The following RFFL variants were observed in gnomAD, a reference collection of about 807,000 sequenced individuals.
RFFL encodes the protein E3 ubiquitin-protein ligase rififylin.
A neutral mutation model predicts 40.4 loss-of-function variants in RFFL; 16 were observed. The observed-to-expected ratio is 0.40, with a 90% CI of 0.27 to 0.60. The LOEUF is 0.60. Ranked by LOEUF, RFFL falls within the 20% of genes least tolerant of loss-of-function variation. The probability of loss-of-function intolerance (pLI) is 0.47; values close to 1 mark genes in which losing one functional copy is unlikely to be tolerated. For synonymous variants in RFFL, 154 were observed against 167.9 expected (o/e 0.92, Z 0.64); for missense variants, 367 against 451.7 (o/e 0.81, Z 1.70).
chr17:35,033,907 C>A (rs1300942786), intron 1 of RFFL, among the ~76,000 whole-genome samples: 1 of 151,820 alleles, frequency 6.6e-6, no homozygotes, highest in Non-Finnish European at 1.5e-5. Context: ...CTCTGGGAGG[C>A]CGAGGTGGGC....
intron 1 of RFFL, among the ~76,000 whole-genome samples, chr17:35,032,488 A>C (rs9891369): frequency 0.025 from 3,864 of 152,152 alleles, 210 homozygotes; most frequent in African/African-American, 0.088. Flanking sequence ...AGGGTCTCTG[A>C]ATTACACAAC....
At chr17:35,083,780 C>CAAA (rs1386219932) in intron 1 of RFFL, among the ~76,000 whole-genome samples, 1 of 76,898 alleles carries the variant, frequency 1.3e-5, no homozygotes, top group Non-Finnish European at 2.7e-5. Flanking sequence ...GACTCTGTCT[C>CAAA]AAAAAAAAAA....
rs1407715065 is a variant in RFFL, at chr17:35,010,734, AGAGT to A, written c.*1230_*1233del. ...ACCACTGCACTCCAGCCTGGGCAAC[AGAGT>A]GAGACTCAAAAAAAAAAAAAAAATG... On this transcript the variant is annotated 3_prime_UTR_variant, in exon 7 of 7. Coordinates refer to ENST00000394597, the MANE Select transcript of RFFL (RefSeq NM_001017368.2). 2.2e-5 allele frequency: 3 copies of A among 136,260 alleles called. No individual in the cohort carries two copies. Among genetic ancestry groups the A allele is most frequent in the Admixed American group, 7.3e-5 (1 of 13,690 alleles). The allele number at this position is 136,260 out of a possible 1,614,324, so 8.4% of individuals were successfully genotyped here. A position where few individuals can be genotyped will look rare whatever the true frequency, so the allele number is the denominator to read the frequency against.
At chr17:35,081,872 A>G (rs2142387304) in intron 1 of RFFL, among the ~76,000 whole-genome samples, 1 of 152,312 alleles carries the variant, frequency 6.6e-6, no homozygotes, top group African/African-American at 2.4e-5. Flanking sequence ...TTTGCCAAAC[A>G]ATACAAAGGC....
Position 35,083,896 on chromosome 17 carries a change from A to G in RFFL, c.-9+5209T>C, listed in dbSNP as rs370090630. 9.2e-5 allele frequency among the ~76,000 whole-genome samples: 14 copies of G among 152,116 alleles called. No homozygotes were observed. The East Asian group carries it at 1.6e-3, about 17-fold the overall frequency. On this transcript the variant is annotated intron_variant, in intron 1 of 6. Transcript: ENST00000315249. The stretch of plus-strand genomic sequence containing the variant: ...CCCCCCACCCTGAAAAAGAGTATCA[A>G]TGCAATAAAACGGTGGTTCCCAAAC...
chr17:35,012,008 C>T lies in RFFL; in HGVS notation c.1052G>A (p.Arg351Gln), dbSNP rs1023508094. 4.3e-6 allele frequency: 7 copies of T among 1,614,164 alleles called. No individual in the cohort carries two copies. The highest frequency in any genetic ancestry group is 2.2e-5 in the South Asian group (2 of 91,070). The change falls in exon 7 of 7, where the codon CGG (arginine) becomes CAG (glutamine). Residue 351 changes from arginine to glutamine, a missense_variant. Physicochemically the swap from Arg to Gln is conservative, Grantham distance 43. Coordinates refer to ENST00000394597, the MANE Select transcript of RFFL (RefSeq NM_001017368.2). ...ATGCACAGCTCGGATTACATACTGC[C>T]GGCAGATGGGACATTCATTCATGCG... The part of the protein sequence containing the change: ...GKRMNECPIC[R>Q]QYVIRAVHVF...
At position 35,008,079 on chromosome 17, in the gene RFFL, CAG is replaced by C. The variant is rs1267431517; in HGVS notation, c.*3887_*3888del. The C allele has an allele frequency of 6.6e-6, 1 of 152,248 alleles. No homozygotes were observed. The highest frequency in any genetic ancestry group is 1.5e-5 in the Non-Finnish European group (1 of 68,062). 9.4% of individuals were successfully genotyped at this position (152,248 alleles called of 1,614,324 possible). A position where few individuals can be genotyped will look rare whatever the true frequency, so the allele number is the denominator to read the frequency against. On this transcript the variant is annotated 3_prime_UTR_variant, in exon 7 of 7. Coordinates refer to ENST00000394597, the MANE Select transcript of RFFL (RefSeq NM_001017368.2). Reference sequence around the variant, plus strand: ...TCTGAGCCATAGTCCAGCTGTACTACAGCTGTATCCAAAAGGTACCATGTATC... The same window carrying C: ...TCTGAGCCATAGTCCAGCTGTACTACCTGTATCCAAAAGGTACCATGTATC...
At chr17:35,039,080 A>AT (rs2142342733) in intron 1 of RFFL, among the ~76,000 whole-genome samples, 1 of 151,374 alleles carries the variant, frequency 6.6e-6, no homozygotes, top group African/African-American at 2.4e-5. Flanking sequence ...AATTTTTTGT[A>AT]TTTTTTTGTC....
intron 1 of RFFL, among the ~76,000 whole-genome samples, chr17:35,056,771 AC>A (rs1391234657): frequency 1.3e-5 from 2 of 152,164 alleles, no homozygotes; most frequent in African/African-American, 2.4e-5. Flanking sequence ...AAGAAGGGAG[AC>A]AAACACTTCC....
chr17:35,037,658 G>A (rs913436538), intron 1 of RFFL, among the ~76,000 whole-genome samples: 5 of 152,172 alleles, frequency 3.3e-5, no homozygotes, highest in African/African-American at 4.8e-5. Flanking sequence ...AAGGTTCAGA[G>A]AAGTTAAGTA....
intron 1 of RFFL, among the ~76,000 whole-genome samples, chr17:35,043,073 G>A (rs1456620030): frequency 6.6e-6 from 1 of 152,188 alleles, no homozygotes; most frequent in Admixed American, 6.5e-5. Flanking sequence ...TTGGATATGG[G>A]TAACAGATAA....
intron 1 of RFFL, among the ~76,000 whole-genome samples, chr17:35,026,791 C>T (rs1006115627): frequency 2.0e-5 from 3 of 152,118 alleles, no homozygotes; most frequent in Non-Finnish European, 2.9e-5. Flanking sequence ...TCACAACCTC[C>T]GCCTCCTGGG....
intron 1 of RFFL, among the ~76,000 whole-genome samples, chr17:35,042,524 G>A (rs889800704): frequency 6.6e-6 from 1 of 151,988 alleles, no homozygotes; most frequent in Non-Finnish European, 1.5e-5. Context: ...ATTTATTTTA[G>A]AATAAATAAT....
chr17:35,029,684 A>G (rs1301289061), intron 1 of RFFL, among the ~76,000 whole-genome samples: 1 of 151,120 alleles, frequency 6.6e-6, no homozygotes, highest in East Asian at 1.9e-4. Context: ...CACCTGGCTA[A>G]TTTTTTATTT....
At chr17:35,034,634 T>C (rs989270805) in intron 1 of RFFL, among the ~76,000 whole-genome samples, 9 of 151,966 alleles carry the variant, frequency 5.9e-5, no homozygotes, top group African/African-American at 2.2e-4. Context: ...GTTAAAGCGA[T>C]TCTCCTGCCT....
At chr17:35,016,633 T>C in intron 4 of RFFL, 53 bp from the exon 5 acceptor site, 3 of 1,461,422 alleles carry the variant, frequency 2.1e-6, no homozygotes, top group Non-Finnish European at 2.9e-6. Flanking sequence ...CCCCAAGCTC[T>C]TTCTCCAAGG....
intron 1 of RFFL, among the ~76,000 whole-genome samples, chr17:35,071,137 G>C (rs1349048503): frequency 3.3e-5 from 5 of 150,188 alleles, no homozygotes; most frequent in African/African-American, 1.2e-4. Flanking sequence ...GGCAGAGGCT[G>C]CAGTGAGCCA....
intron 1 of RFFL, among the ~76,000 whole-genome samples, chr17:35,044,799 G>A (rs560547661): frequency 1.1e-4 from 16 of 152,064 alleles, no homozygotes; most frequent in Non-Finnish European, 2.1e-4. Flanking sequence ...CTGGAGCACT[G>A]TTGCCACCTC....
chr17:35,077,407 C>T (rs9913783), intron 1 of RFFL, among the ~76,000 whole-genome samples: 1,528 of 152,268 alleles, frequency 0.01, 23 homozygotes, highest in African/African-American at 0.035. Flanking sequence ...TCACAGTAAG[C>T]ATTTAGAAAC....
Sources: gnomAD v4.1 joint callset for allele counts (sites outside exome capture counted in the v4.1 genomes callset) on GRCh38, gnomAD v4.1.1 for gene constraint, MANE v1.5 for transcripts, NCBI Gene and HGNC (gene_info 2026-07-23, HGNC 2026-07-21) for gene names.